FUCA1: variants seen among roughly 807,000 people sequenced by gnomAD.
The protein encoded by FUCA1 is tissue alpha-L-fucosidase.
A neutral mutation model predicts 56.8 loss-of-function variants in FUCA1; 52 were observed. The observed-to-expected ratio is 0.92, with a 90% CI of 0.73 to 1.15. The LOEUF (loss-of-function observed/expected upper bound fraction) is 1.15, where lower values mean the gene tolerates loss of function less well. Ranked by LOEUF, FUCA1 falls within the 50% of genes most tolerant of loss-of-function variation. The pLI is 0.00. For missense variants in FUCA1, 568 were observed against 592.6 expected, an observed-to-expected ratio of 0.96 and a Z score of 0.43; for synonymous variants, 230 against 226.6, an observed-to-expected ratio of 1.02 and a Z score of -0.14.
At chr1:23,852,608 T>C (rs1037684606) in intron 5 of FUCA1, among the ~76,000 whole-genome samples, 4 of 152,110 alleles carry the variant, frequency 2.6e-5, no homozygotes, top group Non-Finnish European at 5.9e-5. Context: ...GCCGAGTGCC[T>C]GCGATTGCAG....
intron 4 of FUCA1, among the ~76,000 whole-genome samples, chr1:23,856,078 T>A (rs1159121476): frequency 6.6e-6 from 1 of 152,206 alleles, no homozygotes; most frequent in Non-Finnish European, 1.5e-5. Flanking sequence ...CACCTAGTAG[T>A]CAAGGGGTCT....
chr1:23,867,864 G>C lies in FUCA1; in HGVS notation c.389+34C>G. The stretch of plus-strand genomic sequence containing the variant: ...CCACCTCCTGTTTGCCGCCCGAGCC[G>C]GGAAGGGGCGCCGCTCCCCGGGACC... On this transcript the variant is annotated intron_variant, in intron 1 of 7. Transcript: ENST00000374479. The surrounding 1 kb of genome is among the most constrained non-coding windows in gnomAD (Gnocchi z 4.9). 1.3e-6 allele frequency: 2 copies of C among 1,530,124 alleles called. No individual in the cohort carries two copies. The highest frequency in any genetic ancestry group is 4.0e-5 in the Admixed American group (2 of 49,410). 94.8% of individuals were successfully genotyped at this position (1,530,124 alleles called of 1,614,324 possible).
intron 4 of FUCA1, among the ~76,000 whole-genome samples, chr1:23,855,494 C>T (rs578225756): frequency 7.9e-5 from 12 of 152,238 alleles, no homozygotes; most frequent in African/African-American, 1.4e-4. Flanking sequence ...AGCGAGACTC[C>T]GTCTCAAAAA....
chr1:23,845,738 T>C lies in FUCA1; in HGVS notation c.1378A>G (p.Ile460Val), dbSNP rs774128532. Residue 460 changes from isoleucine (I) to valine (V), a missense_variant, in exon 8 of 8, where the codon ATA becomes GTA. Ile to Val is a conservative substitution (Grantham distance 29). Coordinates refer to ENST00000374479, the MANE Select transcript of FUCA1 (RefSeq NM_000147.5). ...GATTACTTCACTCCTGTCAGCTTTATAGTCCAAGCAAACTCTGCGGGGACA... is the reference window on the plus strand; with the variant it reads ...GATTACTTCACTCCTGTCAGCTTTACAGTCCAAGCAAACTCTGCGGGGACA... ...SAVPAEFAWT[I>V]KLTGVK 6.2e-7 allele frequency: 1 copy of C among 1,614,230 alleles called. No homozygotes were observed. Among genetic ancestry groups the C allele is most frequent in the Non-Finnish European group, 8.5e-7 (1 of 1,180,032 alleles).
chr1:23,848,623 T>C, intron 6 of FUCA1, 26 bp downstream of exon 6: 1 of 1,607,022 alleles, frequency 6.2e-7, no homozygotes, highest in African/African-American at 1.3e-5. Context: ...GTTCTGTTCT[T>C]ACACACAACA....
intron 5 of FUCA1, among the ~76,000 whole-genome samples, chr1:23,852,720 C>T (rs928626462): frequency 1.2e-4 from 18 of 152,156 alleles, no homozygotes; most frequent in Non-Finnish European, 1.6e-4. Context: ...GCGAGTGATC[C>T]GCCAGCCTCG....
rs535166438 is a variant in FUCA1, at chr1:23,858,303, G to A, written c.768+1495C>T. On this transcript the variant is annotated intron_variant, in intron 4 of 7. Transcript: ENST00000374479. ...AGGATGGTCTCGATCTCCTGACCTCGTGATCTGCCTGCCTTGGCCTCCCAA... is the reference window on the plus strand; with the variant it reads ...AGGATGGTCTCGATCTCCTGACCTCATGATCTGCCTGCCTTGGCCTCCCAA... 8.5e-5 allele frequency among the ~76,000 whole-genome samples: 13 copies of A among 152,134 alleles called. No individual in the cohort carries two copies. The South Asian group carries it at 1.0e-3, about 12-fold the overall frequency.
chr1:23,862,995 A>G, intron 3 of FUCA1, 139 bp downstream of exon 3: 2 of 922,768 alleles, frequency 2.2e-6, no homozygotes, highest in Non-Finnish European at 3.5e-6. Context: ...TTTTGTCTTA[A>G]TACAACCACC....
In FUCA1 at chr1:23,867,736, A is replaced by T; in HGVS notation, c.389+162T>A. 1.0e-6 allele frequency: 1 copy of T among 985,080 alleles called. No homozygotes were observed. Among genetic ancestry groups the T allele is most frequent in the Non-Finnish European group, 1.2e-6 (1 of 829,738 alleles). 61.0% of individuals were successfully genotyped at this position (985,080 alleles called of 1,614,324 possible). ...CAGTCAAACGCACCTCCTCCTCCTCATCAGGTGTGCCAGGCTCACTCCTGT... is the reference window on the plus strand; with the variant it reads ...CAGTCAAACGCACCTCCTCCTCCTCTTCAGGTGTGCCAGGCTCACTCCTGT... On this transcript the variant is annotated intron_variant, in intron 1 of 7. Transcript: ENST00000374479. The surrounding 1 kb of genome is among the most constrained non-coding windows in gnomAD (Gnocchi z 4.9).
chr1:23,846,561 G>A (rs1225676045), intron 6 of FUCA1, among the ~76,000 whole-genome samples: 5 of 151,650 alleles, frequency 3.3e-5, no homozygotes, highest in African/African-American at 1.2e-4. Context: ...ATGAGCCATT[G>A]CACTCAGCTC....
intron 2 of FUCA1, among the ~76,000 whole-genome samples, chr1:23,865,001 C>A (rs1203583111): frequency 1.3e-5 from 2 of 152,174 alleles, no homozygotes; most frequent in Non-Finnish European, 2.9e-5. Context: ...ACGCACCCGA[C>A]CAGTGAACTC....
intron 5 of FUCA1, among the ~76,000 whole-genome samples, chr1:23,853,433 G>A (rs999239589): frequency 2.6e-5 from 4 of 151,546 alleles, no homozygotes; most frequent in Admixed American, 2.6e-4. Context: ...CCGTCCGGGA[G>A]GGAGGTGGGG....
At chr1:23,861,179 C>A (rs187764671) in intron 3 of FUCA1, among the ~76,000 whole-genome samples, 393 of 151,600 alleles carry the variant, frequency 2.6e-3, no homozygotes, top group Non-Finnish European at 4.7e-3. Context: ...AAAAATTAGC[C>A]GGGCATGGTG....
intron 6 of FUCA1, among the ~76,000 whole-genome samples, chr1:23,848,185 C>T (rs1437995178): frequency 6.6e-6 from 1 of 152,072 alleles, no homozygotes; most frequent in Non-Finnish European, 1.5e-5. Context: ...AAGCAGTTCC[C>T]TTTAATTGAA....
intron 5 of FUCA1, among the ~76,000 whole-genome samples, chr1:23,852,750 T>C (rs1557508481): frequency 2.0e-5 from 3 of 152,206 alleles, no homozygotes; most frequent in Admixed American, 6.5e-5. Context: ...GGTGCCGGGA[T>C]TGCAGATGGA....
In FUCA1 at chr1:23,863,125, GTGTCTTACC is replaced by G. The variant is rs766794815; in HGVS notation, c.662_662+8del. ...AAAGTCATAGGGCCAAAATATTTCAGTGTCTTACCTGTTAACAAGGTCGTACAGCTCTGG... is the reference window on the plus strand; with the variant it reads ...AAAGTCATAGGGCCAAAATATTTCAGTGTTAACAAGGTCGTACAGCTCTGG... On this transcript the variant is annotated splice_donor_variant and splice_donor_5th_base_variant and coding_sequence_variant and intron_variant, in exon 3 of 8. Coordinates refer to ENST00000374479, the MANE Select transcript of FUCA1 (RefSeq NM_000147.5). LOFTEE classifies it high-confidence loss of function. 4 of 1,613,588 alleles carry G rather than the reference GTGTCTTACC, an allele frequency of 2.5e-6. No individual in the cohort carries two copies. The highest frequency in any genetic ancestry group is 3.4e-6 in the Non-Finnish European group (4 of 1,179,900).
chr1:23,849,216 C>T (rs1238753922), intron 5 of FUCA1, among the ~76,000 whole-genome samples: 1 of 152,156 alleles, frequency 6.6e-6, no homozygotes, highest in Non-Finnish European at 1.5e-5. Context: ...AAACTCCTGA[C>T]CTCAGGTGAT....
intron 5 of FUCA1, among the ~76,000 whole-genome samples, chr1:23,849,800 C>G (rs1287211676): frequency 6.6e-6 from 1 of 151,152 alleles, no homozygotes; most frequent in Non-Finnish European, 1.5e-5. Flanking sequence ...CCAGGCTGGT[C>G]TTGAACTCCT....
chr1:23,848,602 G>T (rs1340667429), intron 6 of FUCA1, 47 bp downstream of exon 6: 4 of 1,577,406 alleles, frequency 2.5e-6, no homozygotes, highest in Non-Finnish European at 3.5e-6. Flanking sequence ...ACCAGTTCCG[G>T]ATGGGGCACT....
Sources: gnomAD v4.1 joint callset for allele counts (sites outside exome capture counted in the v4.1 genomes callset) on GRCh38, gnomAD v4.1.1 for gene constraint, Gnocchi (gnomAD v3.1) non-coding constraint, MANE v1.5 for transcripts, NCBI Gene and HGNC (gene_info 2026-07-23, HGNC 2026-07-21) for gene names.